The following THADA variants were observed in gnomAD, a reference collection of about 807,000 sequenced individuals.
THADA encodes THADA armadillo repeat containing, also known as tRNA (32-2'-O)-methyltransferase regulator THADA.
A neutral mutation model predicts 219.8 loss-of-function variants in THADA; 213 were observed. That is an observed-to-expected ratio of 0.97 (90% confidence interval 0.87 to 1.09). The LOEUF is 1.09. Among genes scored for constraint, THADA ranks in the 50% least tolerant of loss-of-function variants. THADA has a pLI of 0.00. For synonymous variants in THADA, 1,018 were observed against 828.9 expected, an observed-to-expected ratio of 1.23 and a Z score of -3.92; for missense variants, 2,956 against 2,311.3, an observed-to-expected ratio of 1.28 and a Z score of -5.72.
At chr2:43,449,448 G>A (rs1682025464) in intron 26 of THADA, among the ~76,000 whole-genome samples, 2 of 151,972 alleles carry the variant, frequency 1.3e-5, no homozygotes, top group South Asian at 4.2e-4. Context: ...ATGAAAGACA[G>A]GAATATAAAC....
chr2:43,265,241 C>G (rs1274651144), intron 36 of THADA, among the ~76,000 whole-genome samples: 3 of 152,208 alleles, frequency 2.0e-5, no homozygotes, highest in Admixed American at 6.5e-5. Context: ...GCCCCAGACC[C>G]AGTGCATCTG....
chr2:43,499,777 G>C (rs918769173), intron 24 of THADA, among the ~76,000 whole-genome samples: 1 of 151,720 alleles, frequency 6.6e-6, no homozygotes, highest in African/African-American at 2.4e-5. Context: ...ATCAATACTT[G>C]TAGGATGCAG....
chr2:43,575,814 G>A (rs1420967242), intron 10 of THADA, among the ~76,000 whole-genome samples: 1 of 152,104 alleles, frequency 6.6e-6, no homozygotes, highest in African/African-American at 2.4e-5. Flanking sequence ...GGGATTACAG[G>A]CTTGAGCCAC....
intron 36 of THADA, among the ~76,000 whole-genome samples, chr2:43,248,203 A>G (rs958091800): frequency 7.2e-6 from 1 of 139,822 alleles, no homozygotes; most frequent in Non-Finnish European, 1.6e-5. Context: ...AGAGAGAGAG[A>G]GAGAGAGAGA....
intron 25 of THADA, 66 bp downstream of exon 25, chr2:43,498,767 T>C (rs1392207492): frequency 3.4e-6 from 5 of 1,479,726 alleles, no homozygotes; most frequent in Non-Finnish European, 4.5e-6. Flanking sequence ...CAGTGAAAGA[T>C]TAGTTTATTA....
At chr2:43,312,780 T>TCCC in intron 31 of THADA, among the ~76,000 whole-genome samples, 1 of 151,120 alleles carries the variant, frequency 6.6e-6, no homozygotes, top group East Asian at 1.9e-4. Flanking sequence ...AAATACAAAG[T>TCCC]CCCCAGAAGA....
At chr2:43,522,980 CTTTA>C (rs1225344253) in intron 22 of THADA, among the ~76,000 whole-genome samples, 2 of 151,876 alleles carry the variant, frequency 1.3e-5, no homozygotes, top group Non-Finnish European at 2.9e-5. Flanking sequence ...CTTAGTTATT[CTTTA>C]TTTAATTATT....
intron 10 of THADA, among the ~76,000 whole-genome samples, chr2:43,575,780 C>A (rs866634965): frequency 3.3e-5 from 5 of 152,274 alleles, no homozygotes; most frequent in Middle Eastern, 6.8e-3. Flanking sequence ...TCAAGTGATC[C>A]ACCTGCCTGA....
chr2:43,379,257 G>C (rs113245714), intron 29 of THADA, among the ~76,000 whole-genome samples: 293 of 152,132 alleles, frequency 1.9e-3, no homozygotes, highest in African/African-American at 6.9e-3. Flanking sequence ...AAAAGATAGA[G>C]ATGGAGTCTA....
intron 29 of THADA, among the ~76,000 whole-genome samples, chr2:43,368,151 A>T (rs1227817957): frequency 6.6e-6 from 1 of 152,092 alleles, no homozygotes; most frequent in Non-Finnish European, 1.5e-5. Context: ...ACAAACAAAC[A>T]AAAACACCTT....
chr2:43,311,769 A>T (rs952104538), intron 31 of THADA, among the ~76,000 whole-genome samples: 1 of 152,278 alleles, frequency 6.6e-6, no homozygotes, highest in African/African-American at 2.4e-5. Flanking sequence ...CAAAGGTATG[A>T]TTCCATTTAC....
chr2:43,375,077 T>C (rs772040787), intron 29 of THADA, among the ~76,000 whole-genome samples: 1 of 151,990 alleles, frequency 6.6e-6, no homozygotes, highest in Non-Finnish European at 1.5e-5. Context: ...ACTATGCAAA[T>C]GATAGTTACC....
At chr2:43,268,718 C>A (rs1671805551) in intron 36 of THADA, among the ~76,000 whole-genome samples, 1 of 152,202 alleles carries the variant, frequency 6.6e-6, no homozygotes, top group Admixed American at 6.5e-5. Context: ...GGGCCCCACC[C>A]CTGCCCTGCA....
At chr2:43,500,311 T>G (rs529853536) in intron 24 of THADA, among the ~76,000 whole-genome samples, 3 of 152,164 alleles carry the variant, frequency 2.0e-5, no homozygotes, top group Non-Finnish European at 4.4e-5. Context: ...GCTAGAAATG[T>G]TCTATTTCTT....
At chr2:43,314,756 C>A (rs1677887331) in intron 31 of THADA, among the ~76,000 whole-genome samples, 2 of 152,154 alleles carry the variant, frequency 1.3e-5, no homozygotes, top group Admixed American at 6.5e-5. Flanking sequence ...TCCATTCCAG[C>A]AGGAAACTGA....
intron 26 of THADA, among the ~76,000 whole-genome samples, chr2:43,432,551 T>C (rs1308938569): frequency 6.6e-6 from 1 of 152,094 alleles, no homozygotes; most frequent in African/African-American, 2.4e-5. Context: ...CCTGGATTAA[T>C]ATCCGAGAAT....
intron 36 of THADA, among the ~76,000 whole-genome samples, chr2:43,264,000 T>C (rs1228112867): frequency 6.6e-6 from 1 of 152,152 alleles, no homozygotes; most frequent in Non-Finnish European, 1.5e-5. Flanking sequence ...ACAGTGGGTT[T>C]TTAGTTCCCT....
intron 30 of THADA, chr2:43,343,624 T>C (rs1294020621): frequency 1.3e-5 from 2 of 152,442 alleles, no homozygotes; most frequent in African/African-American, 4.8e-5. Flanking sequence ...GGATGAAAAA[T>C]ATGTTTCTAT....
chr2:43,317,012 T>G (rs1229545669), intron 31 of THADA, among the ~76,000 whole-genome samples: 1 of 152,244 alleles, frequency 6.6e-6, no homozygotes, highest in Non-Finnish European at 1.5e-5. Context: ...CAGCTTCACA[T>G]GTATAAGCTG....
Sources: gnomAD v4.1 joint callset for allele counts (sites outside exome capture counted in the v4.1 genomes callset) on GRCh38, gnomAD v4.1.1 for gene constraint, MANE v1.5 for transcripts, NCBI Gene and HGNC (gene_info 2026-07-23, HGNC 2026-07-21) for gene names.